HSD17B2: variants seen among roughly 807,000 people sequenced by gnomAD.
HSD17B2 encodes the protein 17-beta-hydroxysteroid dehydrogenase type 2.
In HSD17B2, 32 loss-of-function variants were observed where a neutral mutation model predicts 26.9. The ratio of observed to expected loss-of-function variants is 1.19; its 90% CI spans 0.90 to 1.60. HSD17B2 has a LOEUF of 1.60. Ranked by LOEUF, HSD17B2 falls within the 40% of genes most tolerant of loss-of-function variation. The probability of loss-of-function intolerance (pLI) is 0.00; values close to 1 mark genes in which losing one functional copy is unlikely to be tolerated. For missense variants in HSD17B2, 613 were observed against 468.6 expected (o/e 1.31, Z -2.85); for synonymous variants, 246 against 186.7 (o/e 1.32, Z -2.59).
intron 2 of HSD17B2, among the ~76,000 whole-genome samples, chr16:82,069,019 T>C (rs1472802263): frequency 6.6e-6 from 1 of 152,186 alleles, no homozygotes; most frequent in East Asian, 1.9e-4. Flanking sequence ...AGCCATCCTG[T>C]AAGTACTGAG....
intron 3 of HSD17B2, among the ~76,000 whole-genome samples, chr16:82,075,908 T>TAAAAAAAAAAAAAAAAAAAAAAAAAAA (rs58081050): frequency 7.4e-6 from 1 of 134,708 alleles, no homozygotes; most frequent in Non-Finnish European, 1.6e-5. Context: ...AAATACATGT[T>TAAAAAAAAAAAAAAAAAAAAAAAAAAA]AAAAAAAAAA....
chr16:82,069,249 CT>C (rs8191149), intron 2 of HSD17B2, among the ~76,000 whole-genome samples: 2 of 152,280 alleles, frequency 1.3e-5, no homozygotes, highest in South Asian at 4.1e-4. Flanking sequence ...TGATCTCATT[CT>C]TTTTAATGGC....
chr16:82,072,754 G>C lies in HSD17B2; in HGVS notation c.664+1627G>C, dbSNP rs199672568. On this transcript the variant is annotated intron_variant, in intron 3 of 4. Coordinates refer to ENST00000199936, the MANE Select transcript of HSD17B2 (RefSeq NM_002153.3). ...GGAAAATGGATTAATGAATGGGTAA[G>C]TGAAAAGCTTACAGTACAAGGCCAG... 4.6e-5 allele frequency among the ~76,000 whole-genome samples: 7 copies of C among 152,190 alleles called. No individual in the cohort carries two copies. The East Asian group carries it at 9.6e-4, about 21-fold the overall frequency.
At position 82,098,527 on chromosome 16, in the gene HSD17B2, A is replaced by G; in HGVS notation, c.*91A>G. On this transcript the variant is annotated 3_prime_UTR_variant, in exon 5 of 5. Transcript: ENST00000199936. Reference sequence around the variant, plus strand: ...GGGTTTCTCATTAAAGTTGTTTCCCACTCTGTATTCTCTGTGAAATTCATT... The same window carrying G: ...GGGTTTCTCATTAAAGTTGTTTCCCGCTCTGTATTCTCTGTGAAATTCATT... The G allele has an allele frequency of 7.3e-7, 1 of 1,363,248 alleles. No homozygotes were observed. Among genetic ancestry groups the G allele is most frequent in the Non-Finnish European group, 9.9e-7 (1 of 1,006,382 alleles). 84.4% of individuals were successfully genotyped at this position (1,363,248 alleles called of 1,614,324 possible).
At chr16:82,043,684 C>CAAAAAAAAAAAAAAAA (rs398030034) in intron 1 of HSD17B2, among the ~76,000 whole-genome samples, 4 of 22,548 alleles carry the variant, frequency 1.8e-4, no homozygotes, top group African/African-American at 1.0e-3. Flanking sequence ...AACTCTGTCT[C>CAAAAAAAAAAAAAAAA]AAAAAAAAAA....
intron 1 of HSD17B2, among the ~76,000 whole-genome samples, chr16:82,062,790 C>A (rs1198673886): frequency 6.6e-6 from 1 of 152,228 alleles, no homozygotes; most frequent in Non-Finnish European, 1.5e-5. Flanking sequence ...ACACTTCCAA[C>A]TTCTCACGAA....
At chr16:82,041,360 C>T (rs1229664750) in intron 1 of HSD17B2, among the ~76,000 whole-genome samples, 1 of 152,228 alleles carries the variant, frequency 6.6e-6, no homozygotes, top group Admixed American at 6.5e-5. Context: ...CACTTAGGTA[C>T]TTACCTTTGC....
At chr16:82,068,502 C>G (rs1597131026) in intron 2 of HSD17B2, 120 bp downstream of exon 2, 1 of 770,378 alleles carries the variant, frequency 1.3e-6, no homozygotes, top group Non-Finnish European at 2.1e-6. Flanking sequence ...TGAAGCACAC[C>G]TGTGCTGAAC....
Position 82,035,642 on chromosome 16 carries a change from C to T in HSD17B2, c.218C>T (p.Ser73Phe), listed in dbSNP as rs367728877. 2.5e-6 allele frequency: 4 copies of T among 1,613,830 alleles called. No individual in the cohort carries two copies. The African/African-American group carries it at 5.3e-5, about 22-fold the overall frequency. The part of the protein sequence containing the change: ...VSCFLMYTYL[S>F]GQELLPVDQK... Reference sequence around the variant, plus strand: ...TGCTTCCTCATGTATACTTACTTATCTGGCCAAGAATTGTTACCTGTGGAT... The same window carrying T: ...TGCTTCCTCATGTATACTTACTTATTTGGCCAAGAATTGTTACCTGTGGAT... The change falls in exon 1 of 5, where the codon TCT (serine) becomes TTT (phenylalanine). Residue 73 changes from serine to phenylalanine, a missense_variant. By Grantham distance (155) the Ser-to-Phe change is radical. Coordinates refer to ENST00000199936, the MANE Select transcript of HSD17B2 (RefSeq NM_002153.3).
intron 3 of HSD17B2, among the ~76,000 whole-genome samples, chr16:82,089,150 A>T (rs1009093870): frequency 4.6e-5 from 7 of 152,184 alleles, no homozygotes; most frequent in African/African-American, 1.2e-4. Flanking sequence ...CCCTTCAGGT[A>T]ACCACTGATC....
intron 1 of HSD17B2, among the ~76,000 whole-genome samples, chr16:82,049,970 T>C (rs1012606415): frequency 2.6e-5 from 4 of 152,214 alleles, no homozygotes; most frequent in African/African-American, 9.6e-5. Context: ...TAAAAAATAA[T>C]GATGCTTGGG....
intron 1 of HSD17B2, among the ~76,000 whole-genome samples, chr16:82,064,646 T>TA (rs1914528777): frequency 6.6e-6 from 1 of 152,168 alleles, no homozygotes; most frequent in African/African-American, 2.4e-5. Flanking sequence ...GGAAAGACAC[T>TA]AAAACTAACT....
chr16:82,044,985 G>C (rs1481208946), intron 1 of HSD17B2, among the ~76,000 whole-genome samples: 1 of 152,010 alleles, frequency 6.6e-6, no homozygotes, highest in African/African-American at 2.4e-5. Flanking sequence ...GGGCATGGTG[G>C]TGTGCACCTG....
At chr16:82,037,986 A>G (rs11150435) in intron 1 of HSD17B2, among the ~76,000 whole-genome samples, 17,889 of 152,216 alleles carry the variant, frequency 0.12, 3,506 homozygotes, top group African/African-American at 0.4. Flanking sequence ...TAGACTATTT[A>G]CGTGTTATTT....
intron 3 of HSD17B2, among the ~76,000 whole-genome samples, chr16:82,075,903 C>G (rs1482443431): frequency 1.3e-5 from 1 of 77,630 alleles, no homozygotes; most frequent in African/African-American, 4.7e-5. Flanking sequence ...CCAGAAAATA[C>G]ATGTTAAAAA....
chr16:82,087,527 G>T (rs1427749362), intron 3 of HSD17B2, among the ~76,000 whole-genome samples: 4 of 152,096 alleles, frequency 2.6e-5, no homozygotes, highest in Non-Finnish European at 5.9e-5. Context: ...GTCTAATATT[G>T]GCAGTTCTTG....
At chr16:82,063,459 G>A (rs1001126134) in intron 1 of HSD17B2, among the ~76,000 whole-genome samples, 1 of 151,988 alleles carries the variant, frequency 6.6e-6, no homozygotes, top group Non-Finnish European at 1.5e-5. Context: ...GGCTAGACTC[G>A]CACCCATTCG....
chr16:82,054,724 C>T lies in HSD17B2; in HGVS notation c.266-13446C>T, dbSNP rs532447322. Among the ~76,000 whole-genome samples, 3 of 152,280 alleles carry T rather than the reference C, an allele frequency of 2.0e-5. No homozygotes were observed. In the South Asian group the frequency reaches 6.2e-4, roughly 32 times the overall value. On this transcript the variant is annotated intron_variant, in intron 1 of 4. Coordinates refer to ENST00000199936, the MANE Select transcript of HSD17B2 (RefSeq NM_002153.3). The stretch of plus-strand genomic sequence containing the variant: ...CTCCAGAAATGTTGCTTTCTCTTCC[C>T]ACTCCCACTTCATCTCTTTGAGATG...
intron 1 of HSD17B2, among the ~76,000 whole-genome samples, chr16:82,042,289 G>A (rs968352214): frequency 1.3e-5 from 2 of 152,042 alleles, no homozygotes; most frequent in African/African-American, 2.4e-5. Flanking sequence ...ACAGGCATGA[G>A]TCACCACGCC....
Sources: allele counts gnomAD v4.1 joint callset (sites outside exome capture counted in the v4.1 genomes callset), GRCh38; gene constraint gnomAD v4.1.1; transcripts MANE v1.5; gene names NCBI Gene and HGNC (gene_info 2026-07-23, HGNC 2026-07-21).